Variants in CCSER1 observed in about 807,000 individuals in gnomAD.
The protein encoded by CCSER1 is serine-rich coiled-coil domain-containing protein 1.
A neutral mutation model predicts 82.0 loss-of-function variants in CCSER1; 41 were observed. The observed-to-expected ratio is 0.50, with a 90% CI of 0.39 to 0.65. The LOEUF (loss-of-function observed/expected upper bound fraction) is 0.65. Ranked by LOEUF, CCSER1 falls within the 30% of genes least tolerant of loss-of-function variation. The pLI is 0.00. For missense variants in CCSER1, 1,119 were observed against 1,064.2 expected (o/e 1.05, Z -0.72); for synonymous variants, 414 against 383.9 (o/e 1.08, Z -0.92).
chr4:90,954,949 G>C (rs1392026133), intron 9 of CCSER1, among the ~76,000 whole-genome samples: 1 of 152,076 alleles, frequency 6.6e-6, no homozygotes, highest in African/African-American at 2.4e-5. Context: ...TTTCTGCCTG[G>C]AACTATCTTC....
chr4:90,325,538 C>A, intron 3 of CCSER1: 2 of 266,078 alleles, frequency 7.5e-6, no homozygotes, highest in South Asian at 7.0e-5. Flanking sequence ...CCTTATTTAG[C>A]TAACTGAATG....
intron 10 of CCSER1, among the ~76,000 whole-genome samples, chr4:91,116,174 A>G (rs1031350824): frequency 6.6e-6 from 1 of 152,108 alleles, no homozygotes; most frequent in African/African-American, 2.4e-5. Flanking sequence ...GAACCAACCC[A>G]AATGTTCAAC....
At chr4:91,486,830 T>G (rs1471162589) in intron 10 of CCSER1, among the ~76,000 whole-genome samples, 1 of 152,098 alleles carries the variant, frequency 6.6e-6, no homozygotes, top group Non-Finnish European at 1.5e-5. Context: ...TCCCAAGGTA[T>G]TTCAACTGTA....
At chr4:90,450,857 C>T (rs1007621609) in intron 4 of CCSER1, among the ~76,000 whole-genome samples, 3 of 152,052 alleles carry the variant, frequency 2.0e-5, no homozygotes, top group Admixed American at 6.5e-5. Flanking sequence ...TGCAAATGGG[C>T]CAAATAAGTT....
At chr4:90,335,756 C>T (rs1299156623) in intron 3 of CCSER1, among the ~76,000 whole-genome samples, 1 of 152,126 alleles carries the variant, frequency 6.6e-6, no homozygotes, top group Non-Finnish European at 1.5e-5. Flanking sequence ...ATTCTTTCTC[C>T]TATTGAATCC....
chr4:91,164,150 G>T (rs1342697171), intron 10 of CCSER1, among the ~76,000 whole-genome samples: 3 of 152,138 alleles, frequency 2.0e-5, no homozygotes, highest in African/African-American at 7.2e-5. Flanking sequence ...CTCAGCATTT[G>T]CTTGTCTGTA....
chr4:91,513,216 T>C (rs1197940467), intron 10 of CCSER1, among the ~76,000 whole-genome samples: 1 of 152,180 alleles, frequency 6.6e-6, no homozygotes, highest in African/African-American at 2.4e-5. Context: ...TATGCATCTA[T>C]GGAGATGATA....
intron 7 of CCSER1, among the ~76,000 whole-genome samples, chr4:90,811,695 G>T (rs1758312975): frequency 6.6e-6 from 1 of 152,042 alleles, no homozygotes; most frequent in African/African-American, 2.4e-5. Context: ...GGAAGATAAT[G>T]GGGAAATCAG....
rs141933733 is a variant in CCSER1 at position 90,184,358 on chromosome 4, C to A, written c.-42+56527C>A. Among the ~76,000 whole-genome samples the A allele has an allele frequency of 6.1e-3, 926 of 152,176 alleles. 11 individuals carry two copies. The highest frequency in any genetic ancestry group is 0.021 in the African/African-American group (863 of 41,520). On this transcript the variant is annotated intron_variant, in intron 1 of 10. Transcript: ENST00000509176. ...AAGATTTGCACCAAAGAGTAAGTTT[C>A]TAAGTGACACCAAAATGTTCGGTGG...
chr4:90,645,021 G>T (rs1044035575), intron 6 of CCSER1, among the ~76,000 whole-genome samples: 7 of 151,282 alleles, frequency 4.6e-5, no homozygotes, highest in African/African-American at 1.5e-4. Context: ...GGTGGAGGTT[G>T]CAGTGAGCCG....
At chr4:91,520,305 C>CTT (rs35328076) in intron 10 of CCSER1, among the ~76,000 whole-genome samples, 40 of 146,262 alleles carry the variant, frequency 2.7e-4, no homozygotes, top group South Asian at 4.3e-4. Flanking sequence ...AAAACTGTTT[C>CTT]TTTTTTTTTT....
chr4:91,356,011 T>A (rs891680913), intron 10 of CCSER1, among the ~76,000 whole-genome samples: 1 of 152,234 alleles, frequency 6.6e-6, no homozygotes, highest in African/African-American at 2.4e-5. Flanking sequence ...TGGTGTCCTT[T>A]GGTATTTATT....
intron 6 of CCSER1, among the ~76,000 whole-genome samples, chr4:90,684,789 G>T (rs1409387315): frequency 6.6e-6 from 1 of 151,918 alleles, no homozygotes; most frequent in Non-Finnish European, 1.5e-5. Context: ...GTGATAGTGA[G>T]TAAGTTTCAC....
intron 9 of CCSER1, among the ~76,000 whole-genome samples, chr4:90,954,782 CATT>C (rs1210152389): frequency 8.6e-5 from 6 of 69,384 alleles, no homozygotes; most frequent in Admixed American, 5.9e-4. Context: ...GTATGCAGTA[CATT>C]TACTAAAAAA....
chr4:91,070,487 A>AC (rs1262299800), intron 9 of CCSER1, among the ~76,000 whole-genome samples: 1 of 152,026 alleles, frequency 6.6e-6, no homozygotes, highest in Non-Finnish European at 1.5e-5. Flanking sequence ...GGGGTCCCTA[A>AC]CCCCCAGGCC....
At chr4:90,707,922 A>G (rs1739713090) in intron 6 of CCSER1, among the ~76,000 whole-genome samples, 1 of 152,182 alleles carries the variant, frequency 6.6e-6, no homozygotes, top group South Asian at 2.1e-4. Context: ...TCGGTTTACA[A>G]GCTGCCAATA....
intron 10 of CCSER1, among the ~76,000 whole-genome samples, chr4:91,258,791 G>T (rs892489555): frequency 5.3e-5 from 8 of 152,126 alleles, no homozygotes; most frequent in Non-Finnish European, 7.4e-5. Flanking sequence ...TAATCTAAAT[G>T]CTTTATAAAT....
At chr4:90,577,807 T>C (rs932407658) in intron 5 of CCSER1, among the ~76,000 whole-genome samples, 15 of 152,148 alleles carry the variant, frequency 9.9e-5, no homozygotes, top group Admixed American at 3.9e-4. Context: ...ATTATTTATT[T>C]TGACAAATAA....
intron 7 of CCSER1, among the ~76,000 whole-genome samples, chr4:90,742,194 A>G (rs1746665063): frequency 6.6e-6 from 1 of 152,138 alleles, no homozygotes; most frequent in Admixed American, 6.5e-5. Context: ...GTCTGTCCCC[A>G]TGATTGAATC....
Sources: gnomAD v4.1 joint callset for allele counts (sites outside exome capture counted in the v4.1 genomes callset) on GRCh38, gnomAD v4.1.1 for gene constraint, MANE v1.5 for transcripts, NCBI Gene and HGNC (gene_info 2026-07-23, HGNC 2026-07-21) for gene names.